Variants in UNC5C observed in about 807,000 individuals in gnomAD.
The protein encoded by UNC5C is netrin receptor UNC5C.
A neutral mutation model predicts 99.8 loss-of-function variants in UNC5C; 47 were observed. The observed-to-expected ratio is 0.47, with a 90% CI of 0.37 to 0.60. UNC5C has a LOEUF of 0.60. Among genes scored for constraint, UNC5C ranks in the 20% least tolerant of loss-of-function variants. The pLI is 0.00. For synonymous variants in UNC5C, 487 were observed against 452.2 expected (o/e 1.08, Z -0.98); for missense variants, 1,062 against 1,165.9 (o/e 0.91, Z 1.30).
rs183496518 is a variant in UNC5C, at chr4:95,209,723, A to T, written c.1734-2927T>A. Reference sequence around the variant, plus strand: ...CAATTTGTCCTTCTTCCAGTCTGAAATTCATTCTCTTAGAACACAAGTCAA... The same window carrying T: ...CAATTTGTCCTTCTTCCAGTCTGAATTTCATTCTCTTAGAACACAAGTCAA... On this transcript the variant is annotated intron_variant, in intron 10 of 15. Coordinates refer to ENST00000453304, the MANE Select transcript of UNC5C (RefSeq NM_003728.4). 8.5e-4 allele frequency among the ~76,000 whole-genome samples: 130 copies of T among 152,250 alleles called. 2 individuals are homozygous for T. Among genetic ancestry groups the T allele is most frequent in the Non-Finnish European group, 1.3e-4 (9 of 68,014 alleles).
intron 1 of UNC5C, among the ~76,000 whole-genome samples, chr4:95,357,404 G>A (rs1004167891): frequency 6.6e-5 from 10 of 151,906 alleles, no homozygotes; most frequent in African/African-American, 2.4e-4. Flanking sequence ...CCAAAGTGCT[G>A]GGATTACAGG....
intron 1 of UNC5C, among the ~76,000 whole-genome samples, chr4:95,530,203 G>A (rs1722606768): frequency 6.6e-6 from 1 of 152,264 alleles, no homozygotes; most frequent in East Asian, 1.9e-4. Flanking sequence ...ACTATTGTGG[G>A]AGCTGAAGGC....
intron 3 of UNC5C, among the ~76,000 whole-genome samples, chr4:95,299,198 TAAG>T (rs1474145190): frequency 2.6e-5 from 4 of 152,050 alleles, no homozygotes; most frequent in African/African-American, 9.7e-5. Flanking sequence ...GGTGTCCTTA[TAAG>T]AAGAAGAAAT....
Position 95,206,558 on chromosome 4 carries a change from T to C in UNC5C, c.1902+70A>G, listed in dbSNP as rs531498908. The stretch of plus-strand genomic sequence containing the variant: ...TGTTTTGCTTTATAAATAAAAGGCC[T>C]CCCATAATTGCTCCTGCTTATCTGC... On this transcript the variant is annotated intron_variant, in intron 11 of 15. Coordinates refer to ENST00000453304, the MANE Select transcript of UNC5C (RefSeq NM_003728.4). The C allele has an allele frequency of 1.1e-5, 18 of 1,594,748 alleles. No individual in the cohort carries two copies. The African/African-American group carries it at 2.2e-4, about 19-fold the overall frequency.
At chr4:95,449,189 G>A (rs1409764427) in intron 1 of UNC5C, among the ~76,000 whole-genome samples, 2 of 152,150 alleles carry the variant, frequency 1.3e-5, no homozygotes, top group Admixed American at 6.5e-5. Context: ...CTGTTACCTG[G>A]CCCTTCTCAA....
At chr4:95,421,486 GA>G (rs1746318329) in intron 1 of UNC5C, among the ~76,000 whole-genome samples, 2 of 139,424 alleles carry the variant, frequency 1.4e-5, no homozygotes, top group South Asian at 4.3e-4. Context: ...TACTATGGTA[GA>G]TTTTTTTTTT....
At chr4:95,291,337 T>C (rs1224698266) in intron 3 of UNC5C, among the ~76,000 whole-genome samples, 1 of 152,192 alleles carries the variant, frequency 6.6e-6, no homozygotes, top group Non-Finnish European at 1.5e-5. Flanking sequence ...AAGGCTCTTT[T>C]CTCAGAGTAC....
chr4:95,258,835 C>T (rs904127738), intron 4 of UNC5C, among the ~76,000 whole-genome samples: 8 of 140,872 alleles, frequency 5.7e-5, no homozygotes, highest in Non-Finnish European at 1.2e-4. Context: ...AATCTCGGCT[C>T]ACTGCAAGCT....
At chr4:95,279,981 G>T (rs1416969544) in intron 3 of UNC5C, among the ~76,000 whole-genome samples, 1 of 152,090 alleles carries the variant, frequency 6.6e-6, no homozygotes, top group Non-Finnish European at 1.5e-5. Context: ...TTCACATAGG[G>T]TTCATGCTCC....
intron 4 of UNC5C, among the ~76,000 whole-genome samples, chr4:95,272,059 A>G (rs139954422): frequency 4.9e-5 from 1 of 20,322 alleles, no homozygotes; most frequent in South Asian, 1.4e-3. Context: ...TGTCTCTTCA[A>G]TAGACTTTCC....
chr4:95,542,600 T>C (rs1201980593), intron 1 of UNC5C, among the ~76,000 whole-genome samples: 3 of 152,182 alleles, frequency 2.0e-5, no homozygotes, highest in Non-Finnish European at 4.4e-5. Context: ...TCATTATATA[T>C]GAGCAACATT....
rs543082102 is a variant in UNC5C at position 95,357,323 on chromosome 4, G to A, written c.125-21692C>T. ...AGATAATTTTTTAAATTATATTTTT[G>A]TAGAGATGGGATCTTGCTATGCTGC... On this transcript the variant is annotated intron_variant, in intron 1 of 15. Transcript: ENST00000453304. 3.3e-5 allele frequency among the ~76,000 whole-genome samples: 5 copies of A among 151,864 alleles called. No individual in the cohort carries two copies. The East Asian group carries it at 9.7e-4, about 30-fold the overall frequency.
intron 2 of UNC5C, among the ~76,000 whole-genome samples, chr4:95,307,099 G>A (rs566183251): frequency 2.0e-5 from 3 of 151,972 alleles, no homozygotes; most frequent in East Asian, 1.9e-4. Flanking sequence ...TATAACTCTC[G>A]TTAAAGTAAT....
intron 6 of UNC5C, among the ~76,000 whole-genome samples, chr4:95,244,763 T>C (rs746077890): frequency 6.6e-6 from 1 of 152,220 alleles, no homozygotes; most frequent in Non-Finnish European, 1.5e-5. Context: ...TTTAATCTCC[T>C]GTTTTGTACA....
At chr4:95,422,294 G>A (rs1041776008) in intron 1 of UNC5C, among the ~76,000 whole-genome samples, 1 of 152,154 alleles carries the variant, frequency 6.6e-6, no homozygotes, top group African/African-American at 2.4e-5. Flanking sequence ...GGGGAAGGAA[G>A]GAAAAGAGTA....
At chr4:95,431,422 T>C (rs568501965) in intron 1 of UNC5C, among the ~76,000 whole-genome samples, 2 of 152,252 alleles carry the variant, frequency 1.3e-5, no homozygotes, top group East Asian at 3.9e-4. Flanking sequence ...TCCCAGCTAA[T>C]ACCTATGTAT....
chr4:95,311,018 G>C (rs1045581431), intron 2 of UNC5C, among the ~76,000 whole-genome samples: 2 of 152,082 alleles, frequency 1.3e-5, no homozygotes, highest in African/African-American at 4.8e-5. Flanking sequence ...TTCTATTTTT[G>C]ATTTGACTTT....
rs1738234622 is a variant in UNC5C, at chr4:95,215,981, C to A, written c.1733+143G>T. ...AAGACAAAGAGAAGTAAAACCTGAC[C>A]TTTTGTAGGTCAAGGGAAAAAGAAT... On this transcript the variant is annotated intron_variant, in intron 10 of 15. Coordinates refer to ENST00000453304, the MANE Select transcript of UNC5C (RefSeq NM_003728.4). 16 of 571,696 alleles carry A rather than the reference C, an allele frequency of 2.8e-5. No homozygotes were observed. In the South Asian group the frequency reaches 3.9e-4, roughly 14 times the overall value. 35.4% of individuals were successfully genotyped at this position (571,696 alleles called of 1,614,324 possible). A position where few individuals can be genotyped will look rare whatever the true frequency, so the allele number is the denominator to read the frequency against.
At chr4:95,178,944 A>G (rs1336945697) in intron 14 of UNC5C, among the ~76,000 whole-genome samples, 1 of 152,176 alleles carries the variant, frequency 6.6e-6, no homozygotes, top group African/African-American at 2.4e-5. Flanking sequence ...TTAAAGTAAA[A>G]TACGTTTATA....
Sources: allele counts gnomAD v4.1 joint callset (sites outside exome capture counted in the v4.1 genomes callset), GRCh38; gene constraint gnomAD v4.1.1; transcripts MANE v1.5; gene names NCBI Gene and HGNC (gene_info 2026-07-23, HGNC 2026-07-21).